Variants in CAMK1D observed in about 807,000 individuals in gnomAD.
The protein encoded by CAMK1D is calcium/calmodulin dependent protein kinase ID.
In CAMK1D, 9 loss-of-function variants were observed where a neutral mutation model predicts 47.7. That is an observed-to-expected ratio of 0.19 (90% CI 0.11 to 0.33). CAMK1D has a LOEUF of 0.33. Ranked by LOEUF, CAMK1D falls within the 10% of genes least tolerant of loss-of-function variation. CAMK1D has a pLI of 1.00. For missense variants in CAMK1D, 291 were observed against 488.7 expected (o/e 0.60, Z 3.81); for synonymous variants, 184 against 184.9 (o/e 0.99, Z 0.04).
intron 1 of CAMK1D, among the ~76,000 whole-genome samples, chr10:12,548,165 G>T (rs975840996): frequency 1.3e-5 from 2 of 152,212 alleles, no homozygotes; most frequent in Non-Finnish European, 1.5e-5. Context: ...CTAAAATGGA[G>T]ATGACAGTAA....
intron 8 of CAMK1D, 98 bp from the exon 9 acceptor site, chr10:12,824,367 C>G (rs12768271): frequency 0.067 from 70,108 of 1,042,552 alleles, 2,756 homozygotes; most frequent in Middle Eastern, 0.12. Context: ...ACGACTGAGC[C>G]TCGGCTCTCC....
At chr10:12,520,413 C>T (rs1254169811) in intron 1 of CAMK1D, among the ~76,000 whole-genome samples, 4 of 86,328 alleles carry the variant, frequency 4.6e-5, no homozygotes, top group African/African-American at 8.9e-5. Flanking sequence ...GATGGGATGG[C>T]GGCTGGGCAG....
chr10:12,370,162 G>A (rs78694461), intron 1 of CAMK1D, among the ~76,000 whole-genome samples: 5,685 of 152,114 alleles, frequency 0.037, 156 homozygotes, highest in Non-Finnish European at 0.052. Flanking sequence ...AATGATAATG[G>A]AGCGGAAGCA....
chr10:12,671,960 G>A (rs193247712), intron 3 of CAMK1D, among the ~76,000 whole-genome samples: 44 of 146,438 alleles, frequency 3.0e-4, no homozygotes, highest in African/African-American at 1.1e-3. Context: ...CTGTCGCCCA[G>A]GCTGGAGTGC....
At chr10:12,433,720 G>C (rs1011928027) in intron 1 of CAMK1D, among the ~76,000 whole-genome samples, 3 of 152,182 alleles carry the variant, frequency 2.0e-5, no homozygotes, top group African/African-American at 7.2e-5. Context: ...GAGCATTTTT[G>C]CAGTAACATT....
At chr10:12,684,716 A>G (rs1832585848) in intron 3 of CAMK1D, among the ~76,000 whole-genome samples, 1 of 152,132 alleles carries the variant, frequency 6.6e-6, no homozygotes, top group Non-Finnish European at 1.5e-5. Flanking sequence ...ATACATCCCT[A>G]TTTGTAATTC....
In CAMK1D at chr10:12,440,801, A is replaced by G. The variant is rs1332275732; in HGVS notation, c.92+90891A>G. On this transcript the variant is annotated intron_variant, in intron 1 of 10. Transcript: ENST00000619168. ...TCATAATCAAAAATGATCTGTATAT[A>G]TGATGGGATGCAGGAAATGCTACCT... 2.6e-5 allele frequency among the ~76,000 whole-genome samples: 4 copies of G among 152,236 alleles called. No individual in the cohort carries two copies. In the South Asian group the frequency reaches 6.2e-4, roughly 24 times the overall value.
intron 7 of CAMK1D, among the ~76,000 whole-genome samples, chr10:12,814,721 C>G (rs533824688): frequency 6.6e-6 from 1 of 152,270 alleles, no homozygotes; most frequent in South Asian, 2.1e-4. Flanking sequence ...GGTCCCATCC[C>G]CAAATACCAT....
chr10:12,753,428 T>C (rs937079402), intron 3 of CAMK1D, among the ~76,000 whole-genome samples: 14 of 152,218 alleles, frequency 9.2e-5, no homozygotes, highest in Non-Finnish European at 1.8e-4. Context: ...CCTCAGGAAA[T>C]ATGTCATGCT....
chr10:12,553,455 G>A (rs762697224), intron 2 of CAMK1D, 99 bp downstream of exon 2: 1 of 1,011,696 alleles, frequency 9.9e-7, no homozygotes, highest in South Asian at 1.4e-5. Flanking sequence ...GGGGGCAGAG[G>A]GGCCCCCAGA....
intron 3 of CAMK1D, among the ~76,000 whole-genome samples, chr10:12,714,503 G>A (rs900846647): frequency 5.9e-5 from 9 of 152,022 alleles, no homozygotes; most frequent in African/African-American, 1.7e-4. Flanking sequence ...GGCGGATCAC[G>A]AGGTCAGGAG....
intron 2 of CAMK1D, among the ~76,000 whole-genome samples, chr10:12,580,589 TG>T (rs1837634629): frequency 6.6e-6 from 1 of 152,052 alleles, no homozygotes; most frequent in African/African-American, 2.4e-5. Context: ...ACTTGAAAAA[TG>T]GAATGTAAAT....
chr10:12,589,850 A>G (rs994754675), intron 2 of CAMK1D, among the ~76,000 whole-genome samples: 1 of 152,210 alleles, frequency 6.6e-6, no homozygotes, highest in Admixed American at 6.5e-5. Context: ...TGATCAGAAC[A>G]TCTTGTAAAA....
At chr10:12,648,762 C>T (rs1047939052) in intron 2 of CAMK1D, among the ~76,000 whole-genome samples, 4 of 152,196 alleles carry the variant, frequency 2.6e-5, no homozygotes, top group Non-Finnish European at 5.9e-5. Flanking sequence ...TGAGCCACCA[C>T]ACCCGGTCTC....
intron 2 of CAMK1D, among the ~76,000 whole-genome samples, chr10:12,656,794 T>C (rs905770686): frequency 2.0e-5 from 3 of 152,334 alleles, no homozygotes; most frequent in Admixed American, 2.0e-4. Flanking sequence ...TGGCCTATGG[T>C]CTACAACACA....
chr10:12,788,450 C>T (rs938527926), intron 5 of CAMK1D, among the ~76,000 whole-genome samples: 2 of 152,210 alleles, frequency 1.3e-5, no homozygotes, highest in East Asian at 3.8e-4. Context: ...CGCCTCCACC[C>T]CCTAACTTAG....
intron 1 of CAMK1D, among the ~76,000 whole-genome samples, chr10:12,495,892 A>G (rs147257107): frequency 8.0e-4 from 122 of 152,256 alleles, no homozygotes; most frequent in African/African-American, 2.8e-3. Context: ...CAGTGGCACT[A>G]TCTCAGCTCA....
chr10:12,805,316 G>T (rs956731066), intron 6 of CAMK1D, among the ~76,000 whole-genome samples: 3 of 151,242 alleles, frequency 2.0e-5, no homozygotes, highest in Admixed American at 2.0e-4. Context: ...TTACCAAGGT[G>T]GGAAGGTAAA....
chr10:12,703,494 C>T (rs768144395), intron 3 of CAMK1D, among the ~76,000 whole-genome samples: 12 of 152,192 alleles, frequency 7.9e-5, no homozygotes, highest in Non-Finnish European at 1.5e-4. Flanking sequence ...TGCCATTGCA[C>T]AGACCAGGCA....
Sources: gnomAD v4.1 joint callset for allele counts (sites outside exome capture counted in the v4.1 genomes callset) on GRCh38, gnomAD v4.1.1 for gene constraint, MANE v1.5 for transcripts, NCBI Gene and HGNC (gene_info 2026-07-23, HGNC 2026-07-21) for gene names.